RIPOR3: variants seen among roughly 807,000 people sequenced by gnomAD.
RIPOR3 encodes family with sequence similarity 65 member C.
RIPOR3 carries 95 observed loss-of-function variants against 114.3 expected under a neutral mutation model. The ratio of observed to expected loss-of-function variants is 0.83; its 90% CI spans 0.70 to 0.99. The LOEUF (loss-of-function observed/expected upper bound fraction) is 0.99. RIPOR3 is among the 50% of genes least tolerant of loss of function. RIPOR3 has a pLI of 0.00. For missense variants in RIPOR3, 1,252 were observed against 1,266.9 expected (o/e 0.99, Z 0.18); for synonymous variants, 575 against 543.8 (o/e 1.06, Z -0.80).
intron 1 of RIPOR3, among the ~76,000 whole-genome samples, chr20:50,666,183 A>ACTTCTTTTCTTTTCT (rs2086189040): frequency 2.3e-5 from 1 of 43,734 alleles, no homozygotes; most frequent in Admixed American, 3.0e-4. Flanking sequence ...AAGGACACCC[A>ACTTCTTTTCTTTTCT]TTTCTTTTCT....
chr20:50,671,421 C>T lies in RIPOR3; in HGVS notation c.3+19705G>A, dbSNP rs569753813. Reference sequence around the variant, plus strand: ...TCACATGAGCACGCGCGCGTGCACGCGCGCGCGCACACACACACACACACA... The same window carrying T: ...TCACATGAGCACGCGCGCGTGCACGTGCGCGCGCACACACACACACACACA... On this transcript the variant is annotated intron_variant, in intron 1 of 21. Transcript: ENST00000327979. 1.1e-3 allele frequency among the ~76,000 whole-genome samples: 20 copies of T among 18,162 alleles called. No individual in the cohort carries two copies. In the South Asian group the frequency reaches 0.014, roughly 12 times the overall value. The allele number at this position is 18,162 out of a possible 152,430, so 11.9% of individuals were successfully genotyped here. A position where few individuals can be genotyped will look rare whatever the true frequency, so the allele number is the denominator to read the frequency against.
chr20:50,625,631 G>A (rs2084591515), intron 2 of RIPOR3, among the ~76,000 whole-genome samples: 1 of 152,112 alleles, frequency 6.6e-6, no homozygotes, highest in Non-Finnish European at 1.5e-5. Context: ...TTCCCAAGCT[G>A]AGGAGGATGT....
At chr20:50,632,222 C>T (rs1318319637) in intron 1 of RIPOR3, among the ~76,000 whole-genome samples, 6 of 152,174 alleles carry the variant, frequency 3.9e-5, no homozygotes, top group Non-Finnish European at 8.8e-5. Context: ...AGCTTGGCAA[C>T]AAAGAAGGTG....
At chr20:50,620,227 C>T (rs1051497735) in intron 2 of RIPOR3, 95 bp from the exon 3 acceptor site, 67 of 1,487,184 alleles carry the variant, frequency 4.5e-5, no homozygotes, top group Non-Finnish European at 5.8e-5. Context: ...ACCAGAGCCA[C>T]AGGGAGTCAG....
chr20:50,602,022 A>G lies in RIPOR3; in HGVS notation c.1659+50T>C, dbSNP rs909749052. 43 of 1,433,318 alleles carry G rather than the reference A, an allele frequency of 3.0e-5. No homozygotes were observed. The African/African-American group carries it at 5.0e-4, about 17-fold the overall frequency. The allele number at this position is 1,433,318 out of a possible 1,614,324, so 88.8% of individuals were successfully genotyped here. A position where few individuals can be genotyped will look rare whatever the true frequency, so the allele number is the denominator to read the frequency against. On this transcript the variant is annotated intron_variant, in intron 13 of 21. Coordinates refer to ENST00000327979, the MANE Select transcript of RIPOR3 (RefSeq NM_001290268.2). This position sits in a 1 kb window ranked among gnomAD's most constrained non-coding sequence, Gnocchi z 4.3. ...GCCCCAGAGCCCCCGACTCCCAGTC[A>G]TCATGCCATCAGCAAAGCAGGGCCA...
chr20:50,606,832 C>T (rs1426083151), intron 11 of RIPOR3, among the ~76,000 whole-genome samples: 1 of 152,040 alleles, frequency 6.6e-6, no homozygotes. Flanking sequence ...CCGGTTCAAG[C>T]GATTCTCCTG....
In RIPOR3 at chr20:50,620,628, AAAATAAAT is replaced by A. The variant is rs146738887; in HGVS notation, c.123-504_123-497del. The A allele has an allele frequency of 7.9e-3, 1,279 of 162,792 alleles. 19 individuals are homozygous for A. The highest frequency in any genetic ancestry group is 0.021 in the African/African-American group (835 of 40,238). 10.1% of individuals were successfully genotyped at this position (162,792 alleles called of 1,614,324 possible). A position where few individuals can be genotyped will look rare whatever the true frequency, so the allele number is the denominator to read the frequency against. ...GGTGACAGAGTGAGACTCAGTCTTA[AAAATAAAT>A]AAATAAATAAATAAATAAATAAATA... On this transcript the variant is annotated intron_variant, in intron 2 of 21. Coordinates refer to ENST00000327979, the MANE Select transcript of RIPOR3 (RefSeq NM_001290268.2).
chr20:50,651,681 C>T (rs939890802), intron 1 of RIPOR3, among the ~76,000 whole-genome samples: 2 of 152,166 alleles, frequency 1.3e-5, no homozygotes, highest in Non-Finnish European at 1.5e-5. Context: ...TGTGAAATAG[C>T]AGTGGAAATA....
intron 1 of RIPOR3, among the ~76,000 whole-genome samples, chr20:50,651,318 C>T (rs1298894285): frequency 6.6e-6 from 1 of 152,174 alleles, no homozygotes; most frequent in Non-Finnish European, 1.5e-5. Flanking sequence ...ATCCTCCAGA[C>T]AAGAACTCAG....
intron 12 of RIPOR3, 147 bp downstream of exon 12, chr20:50,604,498 A>C: frequency 8.2e-7 from 1 of 1,223,458 alleles, no homozygotes; most frequent in South Asian, 1.7e-5. Context: ...AAGAAAGTGC[A>C]CAGGAAAACA....
At chr20:50,654,758 T>A (rs1206916987) in intron 1 of RIPOR3, among the ~76,000 whole-genome samples, 1 of 152,138 alleles carries the variant, frequency 6.6e-6, no homozygotes, top group Admixed American at 6.6e-5. Flanking sequence ...TGTCTTTTTG[T>A]TTTTTGAGAC....
chr20:50,599,637 T>C (rs944597376), intron 13 of RIPOR3, among the ~76,000 whole-genome samples: 4 of 152,124 alleles, frequency 2.6e-5, no homozygotes, highest in Non-Finnish European at 5.9e-5. Context: ...AAATAGACCA[T>C]GAGGACACTT....
In RIPOR3 at chr20:50,604,516, T is replaced by C; in HGVS notation, c.1086+129A>G. Reference sequence around the variant, plus strand: ...AAAGTGCACAGGAAAACACCCAGGATCGCCTCAAACGGAAGCTGAGCCCGA... The same window carrying C: ...AAAGTGCACAGGAAAACACCCAGGACCGCCTCAAACGGAAGCTGAGCCCGA... On this transcript the variant is annotated intron_variant, in intron 12 of 21. Transcript: ENST00000327979. 2.3e-6 allele frequency: 3 copies of C among 1,331,882 alleles called. No homozygotes were observed. The South Asian group carries it at 4.6e-5, about 21-fold the overall frequency. The allele number at this position is 1,331,882 out of a possible 1,614,324, so 82.5% of individuals were successfully genotyped here. A position where few individuals can be genotyped will look rare whatever the true frequency, so the allele number is the denominator to read the frequency against.
rs527693257 is a variant in RIPOR3, at chr20:50,617,782, C to T, written c.270-1702G>A. Among the ~76,000 whole-genome samples the T allele has an allele frequency of 5.9e-5, 9 of 151,960 alleles. No individual in the cohort carries two copies. In the South Asian group the frequency reaches 8.3e-4, roughly 14 times the overall value. On this transcript the variant is annotated intron_variant, in intron 3 of 21. Transcript: ENST00000327979. ...CTGGGATTGCAGGCATGCCCCACCA[C>T]GCCGGCTAATTTTGTATTTTTAGTA...
intron 8 of RIPOR3, 116 bp from the exon 9 acceptor site, chr20:50,609,071 TG>T (rs978419425): frequency 2.2e-5 from 31 of 1,427,826 alleles, no homozygotes; most frequent in Admixed American, 6.0e-5. Flanking sequence ...GGGGTGAGGA[TG>T]GGGGGGAGGT....
intron 1 of RIPOR3, among the ~76,000 whole-genome samples, chr20:50,684,193 A>C (rs1283550957): frequency 6.6e-6 from 1 of 152,134 alleles, no homozygotes; most frequent in Non-Finnish European, 1.5e-5. Flanking sequence ...GTAAGGAGAA[A>C]AATAAACCAG....
intron 20 of RIPOR3, among the ~76,000 whole-genome samples, chr20:50,589,085 A>G (rs1429659573): frequency 2.9e-4 from 4 of 13,804 alleles, no homozygotes; most frequent in Admixed American, 1.6e-3. Context: ...CCATCTCAAG[A>G]AAAAAAAAAA....
At chr20:50,682,361 C>T (rs2086886355) in intron 1 of RIPOR3, among the ~76,000 whole-genome samples, 1 of 152,142 alleles carries the variant, frequency 6.6e-6, no homozygotes, top group Non-Finnish European at 1.5e-5. Context: ...TAATCCCAGC[C>T]CTTTGGGATG....
chr20:50,625,352 G>A (rs1481634718), intron 2 of RIPOR3, among the ~76,000 whole-genome samples: 3 of 152,184 alleles, frequency 2.0e-5, no homozygotes, highest in Non-Finnish European at 2.9e-5. Context: ...GATTGCAGGC[G>A]TGAGCCACCA....
Sources: gnomAD v4.1 joint callset for allele counts (sites outside exome capture counted in the v4.1 genomes callset) on GRCh38, gnomAD v4.1.1 for gene constraint, Gnocchi (gnomAD v3.1) non-coding constraint, MANE v1.5 for transcripts, NCBI Gene and HGNC (gene_info 2026-07-23, HGNC 2026-07-21) for gene names.